ZNF365: variants seen among roughly 807,000 people sequenced by gnomAD.
The protein encoded by ZNF365 is protein ZNF365.
In ZNF365, 22 loss-of-function variants were observed where a neutral mutation model predicts 35.0. The observed-to-expected ratio is 0.63, with a 90% CI of 0.45 to 0.90. ZNF365 has a LOEUF of 0.90. Ranked by LOEUF, ZNF365 falls within the 40% of genes least tolerant of loss-of-function variation. The pLI, the probability that ZNF365 is intolerant of heterozygous loss-of-function variation, is 0.00. For missense variants in ZNF365, 448 were observed against 500.3 expected, an observed-to-expected ratio of 0.90 and a Z score of 1.00; for synonymous variants, 188 against 196.2, an observed-to-expected ratio of 0.96 and a Z score of 0.35.
intron 4 of ZNF365, among the ~76,000 whole-genome samples, chr10:62,465,013 G>A (rs528174333): frequency 1.3e-5 from 2 of 152,202 alleles, no homozygotes; most frequent in Admixed American, 1.3e-4. Context: ...GTGCTCCCGG[G>A]TGCAGATGCA....
intron 3 of ZNF365, among the ~76,000 whole-genome samples, chr10:62,426,639 G>A (rs1840253839): frequency 6.6e-6 from 1 of 152,116 alleles, no homozygotes. Flanking sequence ...GAGGAAGGCA[G>A]GCTAGAGCTT....
At chr10:62,462,203 A>G (rs1840858969) in intron 4 of ZNF365, among the ~76,000 whole-genome samples, 1 of 152,162 alleles carries the variant, frequency 6.6e-6, no homozygotes, top group Non-Finnish European at 1.5e-5. Flanking sequence ...CCACACACAC[A>G]CACACAGAGG....
At chr10:62,475,523 TC>T (rs1173411679) in intron 4 of ZNF365, among the ~76,000 whole-genome samples, 1 of 152,236 alleles carries the variant, frequency 6.6e-6, no homozygotes, top group Non-Finnish European at 1.5e-5. Context: ...AACCATACCA[TC>T]TCATGCTACC....
chr10:62,465,943 C>T (rs1394645444), intron 4 of ZNF365, among the ~76,000 whole-genome samples: 1 of 152,212 alleles, frequency 6.6e-6, no homozygotes, highest in Non-Finnish European at 1.5e-5. Flanking sequence ...CCCTCCCATG[C>T]TTCACTTGCA....
chr10:62,469,481 A>G (rs1200089301), intron 4 of ZNF365, among the ~76,000 whole-genome samples: 23 of 152,342 alleles, frequency 1.5e-4, no homozygotes, highest in South Asian at 1.2e-3. Context: ...TTAGCGATGG[A>G]CTGAATGGCT....
chr10:62,479,404 G>A (rs368654946), intron 4 of ZNF365, among the ~76,000 whole-genome samples: 25 of 152,112 alleles, frequency 1.6e-4, no homozygotes, highest in Non-Finnish European at 1.6e-4. Flanking sequence ...ATGAAAAGAC[G>A]AACATAGCTG....
intron 4 of ZNF365, among the ~76,000 whole-genome samples, chr10:62,463,816 G>A (rs1241163662): frequency 6.6e-6 from 1 of 152,170 alleles, no homozygotes; most frequent in East Asian, 1.9e-4. Flanking sequence ...CCTGCTGTGG[G>A]ATTTCTAGTA....
intron 4 of ZNF365, among the ~76,000 whole-genome samples, chr10:62,473,900 G>C (rs79296416): frequency 6.6e-6 from 1 of 152,260 alleles, no homozygotes; most frequent in African/African-American, 2.4e-5. Flanking sequence ...AAGGATGAAG[G>C]TTCCTTCTTT....
chr10:62,403,432 G>C (rs1214965763), downstream of ZNF365, among the ~76,000 whole-genome samples: 1 of 152,190 alleles, frequency 6.6e-6, no homozygotes, highest in Admixed American at 6.5e-5. Flanking sequence ...GCCGAGGCGG[G>C]CGGATCACGA....
At chr10:62,424,688 G>T (rs1840224569) in intron 3 of ZNF365, among the ~76,000 whole-genome samples, 1 of 152,150 alleles carries the variant, frequency 6.6e-6, no homozygotes, top group Admixed American at 6.5e-5. Flanking sequence ...ACCAAAGTCT[G>T]GGAACGACCG....
intron 3 of ZNF365, among the ~76,000 whole-genome samples, chr10:62,425,524 C>T (rs7904219): frequency 0.47 from 71,351 of 152,000 alleles, 20,232 homozygotes; most frequent in East Asian, 0.68. Flanking sequence ...TACAGATTCT[C>T]AATAATTACT....
intron 3 of ZNF365, among the ~76,000 whole-genome samples, chr10:62,414,983 A>G (rs2132442524): frequency 6.6e-6 from 1 of 152,264 alleles, no homozygotes; most frequent in South Asian, 2.1e-4. Context: ...TCAAACTCAT[A>G]ATTTCAGATG....
Position 62,395,015 on chromosome 10 carries a change from A to T in ZNF365, c.925-3725A>T, listed in dbSNP as rs962443043. On this transcript the variant is annotated intron_variant, in intron 3 of 4. Coordinates refer to ENST00000395254, the MANE Select transcript of ZNF365 (RefSeq NM_014951.3). ...TCAGGTATGCAAGCAAGAGGGAGAGAGTGGGGAGTAGAGTCAGAATCTTCT... is the reference window on the plus strand; with the variant it reads ...TCAGGTATGCAAGCAAGAGGGAGAGTGTGGGGAGTAGAGTCAGAATCTTCT... Among the ~76,000 whole-genome samples, 4 of 152,020 alleles carry T rather than the reference A, an allele frequency of 2.6e-5. No homozygotes were observed. In the East Asian group the frequency reaches 7.7e-4, roughly 29 times the overall value.
downstream of ZNF365, among the ~76,000 whole-genome samples, chr10:62,404,768 ATTG>A (rs1477166060): frequency 1.3e-5 from 2 of 152,082 alleles, no homozygotes; most frequent in Non-Finnish European, 2.9e-5. Flanking sequence ...TTGGGATTCT[ATTG>A]TTTTATATAT....
At chr10:62,454,771 G>C (rs189793957) in intron 3 of ZNF365, among the ~76,000 whole-genome samples, 19 of 152,228 alleles carry the variant, frequency 1.2e-4, no homozygotes, top group African/African-American at 4.3e-4. Context: ...TTTCTGGGCT[G>C]GACACAGGAA....
chr10:62,467,293 T>G (rs1840959982), intron 4 of ZNF365, among the ~76,000 whole-genome samples: 1 of 152,244 alleles, frequency 6.6e-6, no homozygotes, highest in Non-Finnish European at 1.5e-5. Flanking sequence ...ATTGTAGATT[T>G]TTTTTTGTTC....
At chr10:62,437,471 T>C (rs1260227454) in intron 3 of ZNF365, among the ~76,000 whole-genome samples, 6 of 152,198 alleles carry the variant, frequency 3.9e-5, no homozygotes. Context: ...TGAGAATAAA[T>C]AGCTATTTTA....
At position 62,407,933 on chromosome 10, in the gene ZNF365, G is replaced by T. The variant is rs550059246; in HGVS notation, c.924+19357G>T. The stretch of plus-strand genomic sequence containing the variant: ...CTACCTACCCAAACTTTTAACTTTG[G>T]AAGAATCCTTTAGATAATAACTATG... On this transcript the variant is annotated intron_variant, in intron 3 of 4. Coordinates refer to the ZNF365 transcript ENST00000395255. Among the ~76,000 whole-genome samples, 5 of 151,836 alleles carry T rather than the reference G, an allele frequency of 3.3e-5. No homozygotes were observed. The East Asian group carries it at 9.7e-4, about 29-fold the overall frequency.
chr10:62,411,085 G>A (rs1839977901), intron 3 of ZNF365, among the ~76,000 whole-genome samples: 1 of 152,154 alleles, frequency 6.6e-6, no homozygotes, highest in Non-Finnish European at 1.5e-5. Context: ...CTTTTGAGAA[G>A]TGTCTGTTCA....
Sources: gnomAD v4.1 joint callset for allele counts (sites outside exome capture counted in the v4.1 genomes callset) on GRCh38, gnomAD v4.1.1 for gene constraint, MANE v1.5 for transcripts, NCBI Gene and HGNC (gene_info 2026-07-23, HGNC 2026-07-21) for gene names.